Variants in CEP85L observed in about 807,000 individuals in gnomAD.
CEP85L encodes the protein centrosomal protein of 85 kDa-like.
A neutral mutation model predicts 100.3 loss-of-function variants in CEP85L; 60 were observed. The ratio of observed to expected loss-of-function variants is 0.60; its 90% CI spans 0.49 to 0.74. CEP85L has a LOEUF of 0.74. CEP85L is among the 30% of genes least tolerant of loss of function. CEP85L has a pLI of 0.00. For missense variants in CEP85L, 973 were observed against 936.2 expected (o/e 1.04, Z -0.51); for synonymous variants, 319 against 322.7 (o/e 0.99, Z 0.12).
In CEP85L at chr6:118,632,493, T is replaced by A. The variant is rs1250623449; in HGVS notation, c.192A>T (p.Gly64=). 2 of 1,610,812 alleles carry A rather than the reference T, an allele frequency of 1.2e-6. No homozygotes were observed. The highest frequency in any genetic ancestry group is 1.7e-6 in the Non-Finnish European group (2 of 1,178,608). Residue 64 remains glycine (G), a synonymous_variant, in exon 2 of 13, where the codon GGA becomes GGT. Coordinates refer to ENST00000368491, the MANE Select transcript of CEP85L (RefSeq NM_001042475.3). ...IRRHSIASDS[G]DTGIGTSCSD... ...AACAGGAAGTTCCAATGCCAGTGTC[T>A]CCACTGTCAGAAGCTATACTGTGTC...
intron 5 of CEP85L, chr6:118,502,872 T>C: frequency 1.8e-6 from 1 of 566,600 alleles, no homozygotes; most frequent in Non-Finnish European, 3.3e-6. Context: ...AACAACTTTG[T>C]AGATTTAACA....
rs1041423596 is a variant in CEP85L, at chr6:118,567,284, T to C, written c.233-968A>G. 4.5e-5 allele frequency among the ~76,000 whole-genome samples: 6 copies of C among 131,872 alleles called. No homozygotes were observed. In the South Asian group the frequency reaches 1.4e-3, roughly 32 times the overall value. The allele number at this position is 131,872 out of a possible 152,430, so 86.5% of individuals were successfully genotyped here. On this transcript the variant is annotated intron_variant, in intron 2 of 12. Coordinates refer to ENST00000368491, the MANE Select transcript of CEP85L (RefSeq NM_001042475.3). Reference sequence around the variant, plus strand: ...ATATATATATATATATATATATATATATATCCATATTCACCCCAAGCTAGA... The same window carrying C: ...ATATATATATATATATATATATATACATATCCATATTCACCCCAAGCTAGA...
intron 4 of CEP85L, among the ~76,000 whole-genome samples, chr6:118,515,340 G>GA (rs1425223229): frequency 6.6e-6 from 1 of 151,996 alleles, no homozygotes; most frequent in African/African-American, 2.4e-5. Flanking sequence ...CAAGTAGACA[G>GA]AAAATCAAGA....
chr6:118,657,122 C>G (rs1775821488), upstream of CEP85L: 1 of 152,216 alleles, frequency 6.6e-6, no homozygotes, highest in South Asian at 2.1e-4. Flanking sequence ...CTGACACATT[C>G]TGTGAGGAAG....
At chr6:118,700,569 T>A (rs575018620) in intron 1 of CEP85L, among the ~76,000 whole-genome samples, 1 of 152,360 alleles carries the variant, frequency 6.6e-6, no homozygotes, top group East Asian at 1.9e-4. Context: ...ACCTTAGCAC[T>A]CTTTCAATTC....
chr6:118,536,591 T>C (rs545976024), intron 3 of CEP85L, among the ~76,000 whole-genome samples: 37 of 152,304 alleles, frequency 2.4e-4, no homozygotes, highest in Admixed American at 8.5e-4. Context: ...AAAGATGCAC[T>C]ATAGATGACA....
chr6:118,488,372 A>G (rs79537395), intron 6 of CEP85L, among the ~76,000 whole-genome samples: 1 of 152,004 alleles, frequency 6.6e-6, no homozygotes, highest in South Asian at 2.1e-4. Context: ...TCTTGGAACT[A>G]AAAAATATAA....
intron 1 of CEP85L, among the ~76,000 whole-genome samples, chr6:118,684,900 C>T (rs2114276272): frequency 6.6e-6 from 1 of 152,328 alleles, no homozygotes; most frequent in South Asian, 2.1e-4. Flanking sequence ...GATCCTCCCA[C>T]CTCGGCCTCC....
At position 118,566,010 on chromosome 6, in the gene CEP85L, C is replaced by T; in HGVS notation, c.539G>A (p.Arg180Lys). The T allele has an allele frequency of 1.9e-6, 3 of 1,614,214 alleles. No homozygotes were observed. The highest frequency in any genetic ancestry group is 2.5e-6 in the Non-Finnish European group (3 of 1,180,044). Residue 180 changes from arginine (R) to lysine (K), a missense_variant, in exon 3 of 13, where the codon AGG becomes AAG. By Grantham distance (26) the Arg-to-Lys change is conservative. This residue lies in a region of CEP85L where 890 missense variants were observed against 844.5 expected (regional missense o/e 1.05). Transcript: ENST00000368491. ...CTTCCCTATCTTCTCCAAACCATTC[C>T]TTGACTCTTCTCTGCATACAGTGCC... ...QGGTVCREESRNGLEKIGKAK... is the reference protein window; with the variant it reads ...QGGTVCREESKNGLEKIGKAK...
intron 2 of CEP85L, among the ~76,000 whole-genome samples, chr6:118,567,774 C>G (rs1456671232): frequency 6.6e-6 from 1 of 152,068 alleles, no homozygotes; most frequent in African/African-American, 2.4e-5. Context: ...TTAAAACGAG[C>G]CAGGTAGACT....
At chr6:118,680,773 A>G (rs1470550119) in intron 1 of CEP85L, among the ~76,000 whole-genome samples, 2 of 151,754 alleles carry the variant, frequency 1.3e-5, no homozygotes, top group Non-Finnish European at 1.5e-5. Flanking sequence ...GCTACTCCGG[A>G]GGCTGAGGTT....
intron 2 of CEP85L, among the ~76,000 whole-genome samples, chr6:118,601,312 AC>A (rs1468600795): frequency 5.9e-5 from 9 of 152,136 alleles, no homozygotes; most frequent in Non-Finnish European, 1.2e-4. Flanking sequence ...CGCATTTCCC[AC>A]CTTTGCTCAA....
chr6:118,651,772 C>T (rs1372889489), upstream of CEP85L: 3 of 986,170 alleles, frequency 3.0e-6, no homozygotes, highest in Non-Finnish European at 3.6e-6. Context: ...CTGGGCTGTC[C>T]CGCCCTCCCG....
At chr6:118,652,508 C>G (rs548655131), upstream of CEP85L, 455 of 1,367,450 alleles carry the variant, frequency 3.3e-4, no homozygotes, top group South Asian at 7.3e-4. Context: ...TGCAGTAGGC[C>G]CATCACTCAG....
chr6:118,477,214 A>G (rs1773449670), intron 10 of CEP85L, among the ~76,000 whole-genome samples: 2 of 152,204 alleles, frequency 1.3e-5, no homozygotes, highest in Non-Finnish European at 2.9e-5. Context: ...ATGCCAGTTA[A>G]CAATATGACC....
chr6:118,613,203 C>T (rs1201924327), intron 2 of CEP85L, among the ~76,000 whole-genome samples: 1 of 151,944 alleles, frequency 6.6e-6, no homozygotes, highest in Non-Finnish European at 1.5e-5. Context: ...AAGAGCAAAA[C>T]TCCGTCTCGA....
intron 3 of CEP85L, among the ~76,000 whole-genome samples, chr6:118,529,376 G>C (rs1265022761): frequency 6.6e-6 from 1 of 152,060 alleles, no homozygotes; most frequent in Non-Finnish European, 1.5e-5. Flanking sequence ...GGGAGGCCAA[G>C]GTGGGTGGAT....
chr6:118,601,793 TG>T (rs1407922121), intron 2 of CEP85L, among the ~76,000 whole-genome samples: 9 of 152,168 alleles, frequency 5.9e-5, no homozygotes, highest in Non-Finnish European at 1.2e-4. Flanking sequence ...ATGACGCTGG[TG>T]GGAGTGTCGC....
intron 2 of CEP85L, among the ~76,000 whole-genome samples, chr6:118,594,329 T>C (rs1327031090): frequency 6.6e-6 from 1 of 152,300 alleles, no homozygotes; most frequent in Admixed American, 6.5e-5. Context: ...TCAAAATTTA[T>C]AGTATTCAAG....
Sources: gnomAD v4.1 joint callset for allele counts (sites outside exome capture counted in the v4.1 genomes callset) on GRCh38, gnomAD v4.1.1 for gene constraint, gnomAD v4.1.1 regional missense constraint, MANE v1.5 for transcripts, NCBI Gene and HGNC (gene_info 2026-07-23, HGNC 2026-07-21) for gene names.